The following ATG5 variants were observed in gnomAD, a reference collection of about 807,000 sequenced individuals.
ATG5 encodes autophagy protein 5.
A neutral mutation model predicts 36.5 loss-of-function variants in ATG5; 14 were observed. The observed-to-expected ratio is 0.38, with a 90% CI of 0.25 to 0.60. The LOEUF (loss-of-function observed/expected upper bound fraction) is 0.60, where lower values mean the gene tolerates loss of function less well. ATG5 is among the 20% of genes least tolerant of loss of function. The probability of loss-of-function intolerance (pLI) is 0.60; values close to 1 mark genes in which losing one functional copy is unlikely to be tolerated. For missense variants in ATG5, 195 were observed against 326.7 expected, an observed-to-expected ratio of 0.60 and a Z score of 3.11; for synonymous variants, 95 against 101.5, an observed-to-expected ratio of 0.94 and a Z score of 0.38.
intron 5 of ATG5, among the ~76,000 whole-genome samples, chr6:106,265,969 T>C (rs1779212568): frequency 6.7e-6 from 1 of 150,072 alleles, no homozygotes; most frequent in African/African-American, 2.5e-5. Context: ...ATTCAAAAGC[T>C]AGCACAAGAC....
chr6:106,315,421 C>T (rs952895576), intron 2 of ATG5, among the ~76,000 whole-genome samples: 2 of 152,148 alleles, frequency 1.3e-5, no homozygotes, highest in African/African-American at 4.8e-5. Context: ...GAGGCATAAA[C>T]TGGGATTATA....
At chr6:106,313,137 G>C (rs73761679) in intron 2 of ATG5, among the ~76,000 whole-genome samples, 3,749 of 152,322 alleles carry the variant, frequency 0.025, 64 homozygotes, top group African/African-American at 0.049. Context: ...GCAGAAGATA[G>C]AGGGCTGGGC....
At chr6:106,192,663 C>T (rs17512957) in intron 7 of ATG5, among the ~76,000 whole-genome samples, 2,970 of 152,228 alleles carry the variant, frequency 0.02, 45 homozygotes, top group Non-Finnish European at 0.031. Context: ...TTGTGTTCAG[C>T]TTTGTAGCTT....
chr6:106,313,562 A>C (rs1190725442), intron 2 of ATG5, among the ~76,000 whole-genome samples: 1 of 152,232 alleles, frequency 6.6e-6, no homozygotes, highest in African/African-American at 2.4e-5. Flanking sequence ...TAAACGAAAA[A>C]ATACAAATTG....
intron 7 of ATG5, 78 bp downstream of exon 7, chr6:106,201,894 G>T: frequency 9.2e-7 from 1 of 1,088,000 alleles, no homozygotes; most frequent in Non-Finnish European, 1.3e-6. Context: ...ATAACCTGTT[G>T]TTTATAAATG....
At chr6:106,291,972 A>T (rs1013314791) in intron 4 of ATG5, among the ~76,000 whole-genome samples, 1 of 152,244 alleles carries the variant, frequency 6.6e-6, no homozygotes. Context: ...AAGGAAAAGC[A>T]TCACATGAAG....
chr6:106,314,365 T>C (rs1304946038), intron 2 of ATG5, among the ~76,000 whole-genome samples: 1 of 152,142 alleles, frequency 6.6e-6, no homozygotes, highest in Non-Finnish European at 1.5e-5. Context: ...GAGACCAGCC[T>C]GGCCAACATA....
At chr6:106,270,827 G>T (rs17625939) in intron 5 of ATG5, among the ~76,000 whole-genome samples, 11,400 of 152,134 alleles carry the variant, frequency 0.075, 728 homozygotes, top group Admixed American at 0.22. Context: ...CCATGCAGCT[G>T]CCCAAATCAT....
In ATG5 at chr6:106,257,517, T is replaced by C. The variant is rs535437204; in HGVS notation, c.479-9273A>G. On this transcript the variant is annotated intron_variant, in intron 5 of 7. Transcript: ENST00000369076. The stretch of plus-strand genomic sequence containing the variant: ...AATCTTAAGGGACCACTATCATACA[T>C]GCAGTCCACTGTTGACTGAAACATC... Among the ~76,000 whole-genome samples the C allele has an allele frequency of 4.6e-5, 7 of 152,360 alleles. No individual in the cohort carries two copies. In the South Asian group the frequency reaches 1.0e-3, roughly 23 times the overall value.
intron 5 of ATG5, among the ~76,000 whole-genome samples, chr6:106,274,856 T>C (rs1250271907): frequency 6.6e-6 from 1 of 152,138 alleles, no homozygotes; most frequent in African/African-American, 2.4e-5. Context: ...GGCTAACTGA[T>C]AGGCCAGCAA....
At chr6:106,213,509 C>A (rs1776931730) in intron 6 of ATG5, among the ~76,000 whole-genome samples, 1 of 152,080 alleles carries the variant, frequency 6.6e-6, no homozygotes, top group South Asian at 2.1e-4. Flanking sequence ...AGAAGGTCTT[C>A]AAGCTTCCAG....
At chr6:106,297,223 T>C (rs1451102852) in intron 3 of ATG5, among the ~76,000 whole-genome samples, 1 of 152,136 alleles carries the variant, frequency 6.6e-6, no homozygotes, top group East Asian at 1.9e-4. Flanking sequence ...TTCTTTTTAC[T>C]AAAAGAACAT....
chr6:106,321,117 AC>A (rs2114689804), intron 1 of ATG5, among the ~76,000 whole-genome samples: 1 of 152,292 alleles, frequency 6.6e-6, no homozygotes, highest in East Asian at 1.9e-4. Flanking sequence ...ATGGGTTTAA[AC>A]CCTGATTTCC....
At chr6:106,308,289 A>G in intron 3 of ATG5, 75 bp downstream of exon 3, 1 of 1,308,588 alleles carries the variant, frequency 7.6e-7, no homozygotes, top group Non-Finnish European at 1.0e-6. Context: ...CTTTTTTTAC[A>G]ATTGTTTCAG....
chr6:106,205,536 T>A lies in ATG5; in HGVS notation c.574-3447A>T, dbSNP rs188886112. On this transcript the variant is annotated intron_variant, in intron 6 of 7. Coordinates refer to ENST00000369076, the MANE Select transcript of ATG5 (RefSeq NM_004849.4). ...ACCCCATAAATAATTGCAACTATTATGTATCCATAATAATTAAAACTAAAA... is the reference window on the plus strand; with the variant it reads ...ACCCCATAAATAATTGCAACTATTAAGTATCCATAATAATTAAAACTAAAA... 1.5e-3 allele frequency among the ~76,000 whole-genome samples: 226 copies of A among 152,284 alleles called. 1 individual carries two copies. Among genetic ancestry groups the A allele is most frequent in the African/African-American group, 5.1e-3 (213 of 41,542 alleles).
intron 7 of ATG5, among the ~76,000 whole-genome samples, chr6:106,199,967 G>C (rs1776352478): frequency 6.6e-6 from 1 of 152,168 alleles, no homozygotes; most frequent in South Asian, 2.1e-4. Context: ...CTTAAATCCT[G>C]TTCAGTTTTA....
chr6:106,199,506 C>T (rs1776337645), intron 7 of ATG5, among the ~76,000 whole-genome samples: 1 of 152,064 alleles, frequency 6.6e-6, no homozygotes, highest in South Asian at 2.1e-4. Flanking sequence ...ATATAATAGG[C>T]AAATTATAGA....
chr6:106,290,331 T>C (rs190797312), intron 4 of ATG5, among the ~76,000 whole-genome samples: 114 of 151,840 alleles, frequency 7.5e-4, no homozygotes, highest in Admixed American at 4.8e-3. Flanking sequence ...CATTCGTTCA[T>C]TTATTTTTAG....
chr6:106,227,236 A>G (rs539745227), intron 6 of ATG5, among the ~76,000 whole-genome samples: 4 of 152,178 alleles, frequency 2.6e-5, no homozygotes, highest in Non-Finnish European at 5.9e-5. Context: ...ATTAATAACA[A>G]ATTTCTCATC....
Sources: gnomAD v4.1 joint callset for allele counts (sites outside exome capture counted in the v4.1 genomes callset) on GRCh38, gnomAD v4.1.1 for gene constraint, MANE v1.5 for transcripts, NCBI Gene and HGNC (gene_info 2026-07-23, HGNC 2026-07-21) for gene names.